ARF4: variants seen among roughly 807,000 people sequenced by gnomAD.
ARF4 encodes ADP-ribosylation factor 4.
A neutral mutation model predicts 24.3 loss-of-function variants in ARF4; 5 were observed. That is an observed-to-expected ratio of 0.21 (90% CI 0.11 to 0.43). ARF4 has a LOEUF of 0.43. Ranked by LOEUF, ARF4 falls within the 20% of genes least tolerant of loss-of-function variation. The pLI is 1.00. For synonymous variants in ARF4, 62 were observed against 73.5 expected (o/e 0.84, Z 0.80); for missense variants, 107 against 213.0 (o/e 0.50, Z 3.10).
intron 2 of ARF4, 144 bp from the exon 3 acceptor site, chr3:57,584,151 C>A: frequency 1.4e-6 from 1 of 711,682 alleles, no homozygotes; most frequent in Non-Finnish European, 2.3e-6. Flanking sequence ...TCAACAGAGA[C>A]AAGGCCTCAT....
At chr3:57,593,067 C>G (rs1390858281) in intron 1 of ARF4, among the ~76,000 whole-genome samples, 2 of 151,976 alleles carry the variant, frequency 1.3e-5, no homozygotes, top group Non-Finnish European at 2.9e-5. Context: ...ATTAGCCGGG[C>G]ATAGTGGCGC....
At chr3:57,572,902 G>C (rs909946699) in intron 5 of ARF4, among the ~76,000 whole-genome samples, 2 of 151,522 alleles carry the variant, frequency 1.3e-5, no homozygotes, top group African/African-American at 4.8e-5. Context: ...GCAAATTTTT[G>C]AAAGAGTAGG....
chr3:57,581,112 A>T (rs1272366686), intron 3 of ARF4, among the ~76,000 whole-genome samples: 1 of 152,242 alleles, frequency 6.6e-6, no homozygotes. Context: ...TTACAATGGC[A>T]AATTAGTTGG....
chr3:57,571,648 C>T lies in ARF4; in HGVS notation c.*564G>A, dbSNP rs1439099604. On this transcript the variant is annotated 3_prime_UTR_variant, in exon 6 of 6. Coordinates refer to ENST00000303436, the MANE Select transcript of ARF4 (RefSeq NM_001660.4). ...CACAGAACTAATTGGCTATCAAATC[C>T]AAACCCCACCAAGGTTAAGTTTGGC... 6.5e-6 allele frequency: 1 copy of T among 152,712 alleles called. No homozygotes were observed. 9.5% of individuals were successfully genotyped at this position (152,712 alleles called of 1,614,324 possible). A position where few individuals can be genotyped will look rare whatever the true frequency, so the allele number is the denominator to read the frequency against.
chr3:57,578,034 G>C (rs1013649712), intron 3 of ARF4, among the ~76,000 whole-genome samples: 1 of 152,070 alleles, frequency 6.6e-6, no homozygotes, highest in Admixed American at 6.6e-5. Context: ...CTGGGTGGCA[G>C]AGCGAGACCC....
intron 1 of ARF4, among the ~76,000 whole-genome samples, chr3:57,593,375 G>T (rs948622068): frequency 4.6e-5 from 7 of 152,042 alleles, no homozygotes; most frequent in African/African-American, 1.7e-4. Flanking sequence ...TACATAAATA[G>T]ATGGATTTAC....
chr3:57,584,558 A>T (rs115703281), intron 1 of ARF4, 94 bp from the exon 2 acceptor site: 30,939 of 1,053,424 alleles, frequency 0.029, 530 homozygotes, highest in Non-Finnish European at 0.034. Context: ...CTAGAAGTTG[A>T]CTGTTCAAGA....
At chr3:57,580,120 T>C (rs894756234) in intron 3 of ARF4, among the ~76,000 whole-genome samples, 2 of 151,958 alleles carry the variant, frequency 1.3e-5, no homozygotes, top group Non-Finnish European at 2.9e-5. Flanking sequence ...CAAAAAATAA[T>C]GTTTGATGCT....
rs945819814 is a variant in ARF4 at position 57,594,942 on chromosome 3, C to T, written c.67+2132G>A. ...CGTTGATACTTCCTTTGATGAGTTA[C>T]CATAAATGTCGATCTTGTGACTGAA... On this transcript the variant is annotated intron_variant, in intron 1 of 5. Coordinates refer to ENST00000303436, the MANE Select transcript of ARF4 (RefSeq NM_001660.4). 4.9e-4 allele frequency among the ~76,000 whole-genome samples: 74 copies of T among 152,230 alleles called. 1 individual carries two copies. The highest frequency in any genetic ancestry group is 1.4e-3 in the African/African-American group (59 of 41,548).
chr3:57,583,831 T>C (rs2070004967), intron 3 of ARF4, 67 bp downstream of exon 3: 1 of 1,079,576 alleles, frequency 9.3e-7, no homozygotes. Flanking sequence ...AAATACTAGA[T>C]ACTAATAAAA....
chr3:57,593,927 G>GA (rs199638196), intron 1 of ARF4, among the ~76,000 whole-genome samples: 8,382 of 151,580 alleles, frequency 0.055, 325 homozygotes, highest in Non-Finnish European at 0.084. Context: ...TACTCAAAAG[G>GA]AAAAAAAACA....
At chr3:57,573,642 G>A (rs62260502) in intron 5 of ARF4, among the ~76,000 whole-genome samples, 26,227 of 152,164 alleles carry the variant, frequency 0.17, 2,557 homozygotes, top group African/African-American at 0.23. Flanking sequence ...GTGCAGTGGC[G>A]TGATCTCGGC....
intron 3 of ARF4, among the ~76,000 whole-genome samples, chr3:57,579,696 T>C (rs2069948128): frequency 6.6e-6 from 1 of 152,196 alleles, no homozygotes; most frequent in African/African-American, 2.4e-5. Flanking sequence ...TCCTTTGTTT[T>C]AGCAAATTGT....
chr3:57,584,431 A>G lies in ARF4; in HGVS notation c.101T>C (p.Leu34Pro). ...GLDAAGKTTI[L>P]YKLKLGEIVT... ...TATCTCCCCTAACTTCAGTTTATAC[A>G]GAATGGTTGTCTTGCCAGCAGCATC... Residue 34 changes from leucine (L) to proline (P), a missense_variant, in exon 2 of 6, where the codon CTG (leucine) becomes CCG (proline). By Grantham distance (98) the Leu-to-Pro change is moderately conservative. Coordinates refer to ENST00000303436, the MANE Select transcript of ARF4 (RefSeq NM_001660.4). 2 of 1,613,888 alleles carry G rather than the reference A, an allele frequency of 1.2e-6. No individual in the cohort carries two copies. The highest frequency in any genetic ancestry group is 1.7e-6 in the Non-Finnish European group (2 of 1,179,780).
rs372067338 is a variant in ARF4, at chr3:57,574,842, A to ACC, written c.456+704_456+705dup. Among the ~76,000 whole-genome samples the ACC allele has an allele frequency of 4.7e-3, 709 of 150,298 alleles. 7 individuals are homozygous for ACC. The highest frequency in any genetic ancestry group is 0.017 in the African/African-American group (683 of 40,834). ...AAGACCAGCCTAGCAACAAAGCGAG[A>ACC]CCCCCCATCTCCACTTTTTTTTTGA... On this transcript the variant is annotated intron_variant, in intron 5 of 5. Transcript: ENST00000303436.
chr3:57,595,761 C>A (rs1437252447), intron 1 of ARF4, among the ~76,000 whole-genome samples: 1 of 151,992 alleles, frequency 6.6e-6, no homozygotes, highest in Non-Finnish European at 1.5e-5. Context: ...CCAGACTGGC[C>A]AACGTGGTGA....
intron 1 of ARF4, among the ~76,000 whole-genome samples, chr3:57,584,795 G>A (rs1409738334): frequency 2.0e-5 from 3 of 151,068 alleles, no homozygotes; most frequent in Admixed American, 2.0e-4. Flanking sequence ...TAAATAAAGG[G>A]ACTGGATCAG....
chr3:57,574,009 T>G (rs1364125121), intron 5 of ARF4, among the ~76,000 whole-genome samples: 1 of 152,058 alleles, frequency 6.6e-6, no homozygotes, highest in Non-Finnish European at 1.5e-5. Context: ...TGGCGTGATC[T>G]CGGCTCACTG....
At chr3:57,578,531 G>A (rs2069933010) in intron 3 of ARF4, among the ~76,000 whole-genome samples, 1 of 151,954 alleles carries the variant, frequency 6.6e-6, no homozygotes, top group Non-Finnish European at 1.5e-5. Flanking sequence ...TTGCCTAGGA[G>A]CACAGTAGCA....
Sources: allele counts gnomAD v4.1 joint callset (sites outside exome capture counted in the v4.1 genomes callset), GRCh38; gene constraint gnomAD v4.1.1; transcripts MANE v1.5; gene names NCBI Gene and HGNC (gene_info 2026-07-23, HGNC 2026-07-21).